Variants in SEMA3A observed in about 807,000 individuals in gnomAD.
The protein encoded by SEMA3A is semaphorin 3A, also known as semaphorin-3A.
Under a neutral mutation model 97.9 loss-of-function variants are expected in SEMA3A, and 29 were observed. The ratio of observed to expected loss-of-function variants is 0.30; its 90% CI spans 0.22 to 0.40. The LOEUF is 0.40. Among genes scored for constraint, SEMA3A ranks in the 10% least tolerant of loss-of-function variants. The pLI is 1.00. For missense variants in SEMA3A, 763 were observed against 951.3 expected, an observed-to-expected ratio of 0.80 and a Z score of 2.60; for synonymous variants, 321 against 323.7, an observed-to-expected ratio of 0.99 and a Z score of 0.09.
intron 1 of SEMA3A, among the ~76,000 whole-genome samples, chr7:84,379,032 G>A (rs933901321): frequency 6.3e-4 from 96 of 151,776 alleles, no homozygotes; most frequent in African/African-American, 2.2e-3. Flanking sequence ...GGTTCATGCC[G>A]TTCTCCTGCC....
intron 1 of SEMA3A, among the ~76,000 whole-genome samples, chr7:84,377,319 G>A (rs989154437): frequency 1.3e-5 from 2 of 152,006 alleles, no homozygotes; most frequent in African/African-American, 4.8e-5. Flanking sequence ...GTTGATAATA[G>A]CTCTTCAACA....
chr7:84,222,426 T>C (rs1798902009), intron 3 of SEMA3A, among the ~76,000 whole-genome samples: 1 of 151,818 alleles, frequency 6.6e-6, no homozygotes, highest in Non-Finnish European at 1.5e-5. Context: ...CAAGCAGGAA[T>C]AGCTATAAGC....
rs1452110459 is a variant in SEMA3A, at chr7:84,189,561, C to T, written c.112+4914G>A. ...AGAAAAATTGGGATAATTTAAAATA[C>T]ACAATTTCTTACAGGCAACTTAAAA... On this transcript the variant is annotated intron_variant, in intron 1 of 16. Coordinates refer to ENST00000265362, the MANE Select transcript of SEMA3A (RefSeq NM_006080.3). 4.6e-5 allele frequency among the ~76,000 whole-genome samples: 7 copies of T among 151,636 alleles called. No homozygotes were observed. In the East Asian group the frequency reaches 1.4e-3, roughly 29 times the overall value.
At chr7:84,341,226 G>A (rs1013923741) in intron 2 of SEMA3A, among the ~76,000 whole-genome samples, 7 of 152,076 alleles carry the variant, frequency 4.6e-5, no homozygotes, top group South Asian at 2.1e-4. Context: ...CCCTTGTTCC[G>A]GCTGTTAGCA....
intron 13 of SEMA3A, among the ~76,000 whole-genome samples, chr7:83,983,203 CTCTT>C (rs1321273337): frequency 2.0e-5 from 3 of 149,960 alleles, no homozygotes; most frequent in Non-Finnish European, 4.5e-5. Flanking sequence ...TTCTTTCTTT[CTCTT>C]TCTTTCCTTT....
chr7:84,359,675 C>T (rs1356568031), intron 2 of SEMA3A, among the ~76,000 whole-genome samples: 3 of 152,154 alleles, frequency 2.0e-5, no homozygotes, highest in Non-Finnish European at 4.4e-5. Context: ...GGAGGATTCC[C>T]TCTTTTTCTA....
chr7:84,241,155 G>T (rs1799354035), intron 3 of SEMA3A, among the ~76,000 whole-genome samples: 1 of 152,072 alleles, frequency 6.6e-6, no homozygotes, highest in Non-Finnish European at 1.5e-5. Flanking sequence ...GGTATTTCTG[G>T]TTCTACATCC....
Position 84,011,207 on chromosome 7 carries a change from T to C in SEMA3A, c.901A>G (p.Ile301Val). Reference sequence around the variant, plus strand: ...CGCAGTTCATCAAAATGAGTGTCAATGCCATTTGGACCTGGCACTGAGCAA... The same window carrying C: ...CGCAGTTCATCAAAATGAGTGTCAACGCCATTTGGACCTGGCACTGAGCAA... The part of the protein sequence containing the change: ...LICSVPGPNG[I>V]DTHFDELQDV... Residue 301 changes from isoleucine (I) to valine (V), a missense_variant, in exon 8 of 17, where the codon ATT becomes GTT. Physicochemically the swap from Ile to Val is conservative, Grantham distance 29 (BLOSUM62 3). Transcript: ENST00000265362. 6.2e-7 allele frequency: 1 copy of C among 1,613,766 alleles called. No homozygotes were observed. Among genetic ancestry groups the C allele is most frequent in the Non-Finnish European group, 8.5e-7 (1 of 1,179,656 alleles).
intron 1 of SEMA3A, among the ~76,000 whole-genome samples, chr7:84,143,204 C>CTTTCT (rs1562809430): frequency 2.0e-5 from 3 of 152,102 alleles, no homozygotes; most frequent in African/African-American, 7.2e-5. Flanking sequence ...AAAACACATG[C>CTTTCT]ACTTTCTACT....
chr7:84,221,451 C>T (rs1312689109), intron 3 of SEMA3A, among the ~76,000 whole-genome samples: 2 of 152,064 alleles, frequency 1.3e-5, no homozygotes, highest in Admixed American at 6.6e-5. Flanking sequence ...TACAAAAGGC[C>T]TAGCTTTGGG....
intron 6 of SEMA3A, among the ~76,000 whole-genome samples, chr7:84,032,064 A>G (rs1485702827): frequency 6.6e-6 from 1 of 152,200 alleles, no homozygotes. Flanking sequence ...ACAGTGAAAT[A>G]AAAAGTTAAT....
chr7:83,970,195 AAAT>A (rs1474249206), intron 15 of SEMA3A, among the ~76,000 whole-genome samples: 1 of 152,214 alleles, frequency 6.6e-6, no homozygotes, highest in Non-Finnish European at 1.5e-5. Flanking sequence ...TAATGACAAG[AAAT>A]AATGTTTTTA....
At chr7:84,045,151 T>C (rs1169054338) in intron 6 of SEMA3A, among the ~76,000 whole-genome samples, 1 of 151,976 alleles carries the variant, frequency 6.6e-6, no homozygotes, top group Non-Finnish European at 1.5e-5. Context: ...CTCTAATAAC[T>C]AATGGAAGAC....
chr7:84,042,944 A>G (rs2115564655), intron 6 of SEMA3A, among the ~76,000 whole-genome samples: 1 of 152,182 alleles, frequency 6.6e-6, no homozygotes, highest in Non-Finnish European at 1.5e-5. Context: ...TTGTTTCCTT[A>G]CTATAAATAT....
chr7:84,284,298 T>G (rs1372323291), intron 3 of SEMA3A, among the ~76,000 whole-genome samples: 1 of 152,182 alleles, frequency 6.6e-6, no homozygotes, highest in Non-Finnish European at 1.5e-5. Flanking sequence ...ACTAAAGGAA[T>G]GTTCAATCTA....
chr7:84,055,352 C>G (rs543270953), intron 5 of SEMA3A, among the ~76,000 whole-genome samples: 1 of 152,152 alleles, frequency 6.6e-6, no homozygotes, highest in Admixed American at 6.5e-5. Flanking sequence ...TAGCAATCAG[C>G]GAGACTCCGT....
chr7:84,119,056 T>G (rs1455446529), intron 3 of SEMA3A, among the ~76,000 whole-genome samples: 1 of 152,170 alleles, frequency 6.6e-6, no homozygotes, highest in Non-Finnish European at 1.5e-5. Context: ...TAAAGGTCAT[T>G]AGTTAATAAT....
rs369054299 is a variant in SEMA3A, at chr7:84,400,081, T to C, written c.-245-28181A>G. Among the ~76,000 whole-genome samples, 106 of 152,202 alleles carry C rather than the reference T, an allele frequency of 7.0e-4. 1 individual carries two copies. The highest frequency in any genetic ancestry group is 2.4e-3 in the African/African-American group (98 of 41,562). ...GCAGCATATTGGGCTTAGTGTGCCATGTAGTGTGAAAATGGCTGCAGTGAC... is the reference window on the plus strand; with the variant it reads ...GCAGCATATTGGGCTTAGTGTGCCACGTAGTGTGAAAATGGCTGCAGTGAC... On this transcript the variant is annotated intron_variant, in intron 1 of 3. Coordinates refer to the SEMA3A transcript ENST00000424555.
chr7:84,425,862 A>ACC (rs1274812607), intron 1 of SEMA3A, among the ~76,000 whole-genome samples: 1 of 112,410 alleles, frequency 8.9e-6, no homozygotes. Context: ...TAACACACAC[A>ACC]CACACACACA....
Sources: allele counts gnomAD v4.1 joint callset (sites outside exome capture counted in the v4.1 genomes callset), GRCh38; gene constraint gnomAD v4.1.1; transcripts MANE v1.5; gene names NCBI Gene and HGNC (gene_info 2026-07-23, HGNC 2026-07-21).